Variants in PDE8B observed in about 807,000 individuals in gnomAD.
PDE8B encodes the protein high affinity cAMP-specific and IBMX-insensitive 3',5'-cyclic phosphodiesterase 8B.
Under a neutral mutation model 101.3 loss-of-function variants are expected in PDE8B, and 26 were observed. The ratio of observed to expected loss-of-function variants is 0.26; its 90% CI spans 0.19 to 0.36. The LOEUF (loss-of-function observed/expected upper bound fraction) is 0.36. PDE8B is among the 10% of genes least tolerant of loss of function. PDE8B has a pLI of 1.00. For synonymous variants in PDE8B, 424 were observed against 429.3 expected (o/e 0.99, Z 0.15); for missense variants, 810 against 1,163.1 (o/e 0.70, Z 4.42).
intron 1 of PDE8B, among the ~76,000 whole-genome samples, chr5:77,304,456 C>A (rs1770711031): frequency 6.6e-6 from 1 of 151,972 alleles, no homozygotes; most frequent in Non-Finnish European, 1.5e-5. Flanking sequence ...TTTTAGATTT[C>A]ATCTCTCCAG....
intron 1 of PDE8B, among the ~76,000 whole-genome samples, chr5:77,248,727 G>T (rs1757472229): frequency 1.3e-5 from 2 of 152,288 alleles, no homozygotes; most frequent in Admixed American, 6.5e-5. Context: ...GGACTGAATT[G>T]TGTCCCTCCA....
the PDE8B span, among the ~76,000 whole-genome samples, chr5:77,148,988 G>T: frequency 6.6e-6 from 1 of 152,106 alleles, no homozygotes; most frequent in African/African-American, 2.4e-5. Flanking sequence ...CAGAAGTTTT[G>T]CAGTTTTAAC....
At chr5:77,264,851 G>T (rs895216141) in intron 1 of PDE8B, among the ~76,000 whole-genome samples, 10 of 152,040 alleles carry the variant, frequency 6.6e-5, no homozygotes, top group African/African-American at 2.2e-4. Context: ...AACTACCCAG[G>T]TGAACCATAG....
Position 77,404,608 on chromosome 5 carries a change from G to C in PDE8B, c.1211-112G>C, listed in dbSNP as rs1419099319. 4.2e-6 allele frequency: 3 copies of C among 710,594 alleles called. No individual in the cohort carries two copies. In the African/African-American group the frequency reaches 5.3e-5, roughly 13 times the overall value. 44.0% of individuals were successfully genotyped at this position (710,594 alleles called of 1,614,324 possible). ...CTGTTTCTTAAAATTATTTTATAGT[G>C]CTTAAAAAGTAACCTTGTTTTCTTT... On this transcript the variant is annotated intron_variant, in intron 11 of 21. Coordinates refer to ENST00000264917, the MANE Select transcript of PDE8B (RefSeq NM_003719.5).
the PDE8B span, among the ~76,000 whole-genome samples, chr5:77,183,266 C>T: frequency 2.0e-5 from 3 of 152,010 alleles, no homozygotes; most frequent in Non-Finnish European, 4.4e-5. Flanking sequence ...GCTACAGGTG[C>T]GCACCACCAG....
At chr5:77,242,812 A>G (rs1249894244) in intron 1 of PDE8B, among the ~76,000 whole-genome samples, 2 of 152,122 alleles carry the variant, frequency 1.3e-5, no homozygotes, top group Non-Finnish European at 2.9e-5. Flanking sequence ...GACTACAGGC[A>G]CCCACGACCT....
At chr5:77,144,168 T>G in the PDE8B span, 5 of 152,360 alleles carry the variant, frequency 3.3e-5, no homozygotes, top group South Asian at 1.0e-3. Context: ...TGTGGGGCAG[T>G]AGGACCACAT....
chr5:77,337,225 A>C lies in PDE8B; in HGVS notation c.709-2A>C. 1 of 1,528,274 alleles carries C rather than the reference A, an allele frequency of 6.5e-7. No homozygotes were observed. Among genetic ancestry groups the C allele is most frequent in the Non-Finnish European group, 9.0e-7 (1 of 1,105,198 alleles). 94.7% of individuals were successfully genotyped at this position (1,528,274 alleles called of 1,614,324 possible). On this transcript the variant is annotated splice_acceptor_variant, in intron 5 of 21. Coordinates refer to ENST00000264917, the MANE Select transcript of PDE8B (RefSeq NM_003719.5). LOFTEE classifies it high-confidence loss of function. ...TATGTATTGTCTTTGCTTTCTTTTC[A>C]GAGATTTATGGAGAATAGCAGCATA...
chr5:77,336,061 G>A (rs192248362), intron 5 of PDE8B, among the ~76,000 whole-genome samples: 1 of 152,294 alleles, frequency 6.6e-6, no homozygotes, highest in East Asian at 1.9e-4. Context: ...GACTTGAGCA[G>A]CTCATGCCTA....
At chr5:77,281,593 G>A (rs540553138) in intron 1 of PDE8B, among the ~76,000 whole-genome samples, 55 of 152,232 alleles carry the variant, frequency 3.6e-4, no homozygotes, top group African/African-American at 1.3e-3. Flanking sequence ...TTCCTCTTCT[G>A]TTGCCAAATC....
At chr5:77,271,299 C>T (rs369684207) in intron 1 of PDE8B, among the ~76,000 whole-genome samples, 16 of 152,230 alleles carry the variant, frequency 1.1e-4, no homozygotes, top group African/African-American at 3.9e-4. Context: ...TGACCACCTC[C>T]AGCTGAAGTC....
At chr5:77,358,428 T>C in intron 10 of PDE8B, 1 of 985,282 alleles carries the variant, frequency 1.0e-6, no homozygotes. Flanking sequence ...CACCACCCAT[T>C]GGATCATTAA....
the PDE8B span, among the ~76,000 whole-genome samples, chr5:77,191,290 G>A: frequency 6.6e-6 from 1 of 152,048 alleles, no homozygotes; most frequent in East Asian, 1.9e-4. Flanking sequence ...CATAACATGA[G>A]GTAAATGTAA....
chr5:77,418,856 G>T (rs555696037), intron 18 of PDE8B, among the ~76,000 whole-genome samples: 1 of 152,286 alleles, frequency 6.6e-6, no homozygotes, highest in Admixed American at 6.5e-5. Context: ...CACGAAGGGT[G>T]GGGCAGGTTA....
chr5:77,247,300 A>T lies in PDE8B; in HGVS notation c.339+36036A>T, dbSNP rs574760123. Among the ~76,000 whole-genome samples, 202 of 152,246 alleles carry T rather than the reference A, an allele frequency of 1.3e-3. 1 individual carries two copies. The highest frequency in any genetic ancestry group is 4.7e-3 in the African/African-American group (194 of 41,546). ...TAGCTCCCAATGCCAGCCCTTTCAGAGGCTCCTGCCCTCTGTTCCGCAGCA... is the reference window on the plus strand; with the variant it reads ...TAGCTCCCAATGCCAGCCCTTTCAGTGGCTCCTGCCCTCTGTTCCGCAGCA... On this transcript the variant is annotated intron_variant, in intron 1 of 21. Transcript: ENST00000264917.
chr5:77,180,260 G>A, the PDE8B span, among the ~76,000 whole-genome samples: 1 of 152,202 alleles, frequency 6.6e-6, no homozygotes, highest in Non-Finnish European at 1.5e-5. Context: ...CCGGCCCGGG[G>A]ACGCGTCTGG....
Position 77,353,455 on chromosome 5 carries a change from A to G in PDE8B, c.1167+49A>G, listed in dbSNP as rs369406029. ...TGCTCTGTCTGTTTGGCCATGCGTC[A>G]CCTCTGTTCTCTGCTTATCTCACCA... On this transcript the variant is annotated intron_variant, in intron 10 of 21. Coordinates refer to ENST00000264917, the MANE Select transcript of PDE8B (RefSeq NM_003719.5). The G allele has an allele frequency of 9.1e-5, 93 of 1,017,692 alleles. No individual in the cohort carries two copies. In the African/African-American group the frequency reaches 1.3e-3, roughly 15 times the overall value. 63.0% of individuals were successfully genotyped at this position (1,017,692 alleles called of 1,614,324 possible). A position where few individuals can be genotyped will look rare whatever the true frequency, so the allele number is the denominator to read the frequency against.
chr5:77,391,614 C>T (rs1285697891), intron 10 of PDE8B, among the ~76,000 whole-genome samples: 1 of 152,174 alleles, frequency 6.6e-6, no homozygotes, highest in Non-Finnish European at 1.5e-5. Context: ...CATTTCCATC[C>T]CCAAAGCAGG....
At chr5:77,266,299 CCTATTTTAGCT>C (rs1325477149) in intron 1 of PDE8B, among the ~76,000 whole-genome samples, 3 of 152,202 alleles carry the variant, frequency 2.0e-5, no homozygotes, top group African/African-American at 7.2e-5. Context: ...GTTCTGCCTT[CCTATTTTAGCT>C]CTAATACTAT....
Sources: gnomAD v4.1 joint callset for allele counts (sites outside exome capture counted in the v4.1 genomes callset) on GRCh38, gnomAD v4.1.1 for gene constraint, MANE v1.5 for transcripts, NCBI Gene and HGNC (gene_info 2026-07-23, HGNC 2026-07-21) for gene names.